Variants in IMPG1 observed in about 807,000 individuals in gnomAD.
The protein encoded by IMPG1 is interphotoreceptor matrix proteoglycan of 150 kDa.
A neutral mutation model predicts 92.0 loss-of-function variants in IMPG1; 85 were observed. That is an observed-to-expected ratio of 0.92 (90% confidence interval 0.78 to 1.11). The LOEUF is 1.11. Ranked by LOEUF, IMPG1 falls within the 50% of genes least tolerant of loss-of-function variation. IMPG1 has a pLI of 0.00. For synonymous variants in IMPG1, 367 were observed against 334.1 expected (o/e 1.10, Z -1.08); for missense variants, 1,022 against 956.0 (o/e 1.07, Z -0.91).
In IMPG1 at chr6:76,072,497, T is replaced by C; in HGVS notation, c.-9A>G. The C allele has an allele frequency of 6.4e-7, 1 of 1,561,000 alleles. No homozygotes were observed. Among genetic ancestry groups the C allele is most frequent in the Non-Finnish European group, 8.8e-7 (1 of 1,140,398 alleles). Reference sequence around the variant, plus strand: ...CTAGTTTCCAAATACATTCTGGCTTTTGTGCATTGGTAATTCTGATAACAA... The same window carrying C: ...CTAGTTTCCAAATACATTCTGGCTTCTGTGCATTGGTAATTCTGATAACAA... On this transcript the variant is annotated 5_prime_UTR_variant, in exon 1 of 17. Coordinates refer to ENST00000369950, the MANE Select transcript of IMPG1 (RefSeq NM_001563.4).
chr6:76,007,744 C>T (rs1046103901), intron 8 of IMPG1, among the ~76,000 whole-genome samples: 4 of 152,082 alleles, frequency 2.6e-5, no homozygotes, highest in African/African-American at 9.7e-5. Context: ...GGATTTGAGC[C>T]TTAGTTCAAA....
intron 7 of IMPG1, among the ~76,000 whole-genome samples, chr6:76,018,194 C>A (rs183470212): frequency 1.3e-5 from 2 of 152,108 alleles, no homozygotes; most frequent in South Asian, 2.1e-4. Flanking sequence ...TACACACATA[C>A]CTATGATAAA....
At chr6:75,960,314 C>T (rs142723847) in intron 12 of IMPG1, among the ~76,000 whole-genome samples, 2,146 of 152,240 alleles carry the variant, frequency 0.014, 36 homozygotes, top group South Asian at 0.018. Flanking sequence ...TGTTCCTATT[C>T]GGCCATCTTG....
At chr6:75,929,921 A>G (rs894469360) in intron 15 of IMPG1, among the ~76,000 whole-genome samples, 2 of 151,994 alleles carry the variant, frequency 1.3e-5, no homozygotes, top group Admixed American at 6.6e-5. Context: ...TCTCCACTCA[A>G]TTGTCTTGGC....
Position 75,994,734 on chromosome 6 carries a change from A to T in IMPG1, c.1291+8184T>A, listed in dbSNP as rs1483626043. Among the ~76,000 whole-genome samples the T allele has an allele frequency of 2.6e-5, 4 of 152,182 alleles. No homozygotes were observed. The East Asian group carries it at 7.7e-4, about 29-fold the overall frequency. ...TCTGGGTGGGTCCCTCCCATGACAC[A>T]TGGGAATTGTGGGAGCCACAATTCA... On this transcript the variant is annotated intron_variant, in intron 12 of 16. Transcript: ENST00000369950.
At chr6:76,025,370 C>T (rs1308646786) in intron 4 of IMPG1, 112 bp from the exon 5 acceptor site, 2 of 515,854 alleles carry the variant, frequency 3.9e-6, no homozygotes, top group Admixed American at 6.8e-5. Flanking sequence ...ATAGGAAAAG[C>T]ATACTTTAAA....
intron 16 of IMPG1, among the ~76,000 whole-genome samples, chr6:75,922,591 A>T (rs2149446640): frequency 6.6e-6 from 1 of 152,314 alleles, no homozygotes; most frequent in South Asian, 2.1e-4. Context: ...GTAGTTCTTC[A>T]AGTTTACTTC....
chr6:75,973,246 T>TCCGGATTACAGGCATGAGCCACTGTGC (rs148505548), intron 12 of IMPG1, among the ~76,000 whole-genome samples: 11,578 of 151,832 alleles, frequency 0.076, 522 homozygotes, highest in East Asian at 0.19. Context: ...TCCCAAAGTG[T>TCCGGATTACAGGCATGAGCCACTGTGC]CCGGATTACA....
At chr6:75,930,908 A>G in intron 15 of IMPG1, 45 bp downstream of exon 15, 1 of 1,508,456 alleles carries the variant, frequency 6.6e-7, no homozygotes, top group Non-Finnish European at 9.2e-7. Flanking sequence ...TCAGAAGTGT[A>G]AGTAATGAGT....
At chr6:75,930,860 T>G in intron 15 of IMPG1, 93 bp downstream of exon 15, 1 of 1,178,536 alleles carries the variant, frequency 8.5e-7, no homozygotes, top group South Asian at 1.4e-5. Flanking sequence ...AACCATGGGT[T>G]GAAAGGACCA....
chr6:75,986,423 G>A (rs992905893), intron 12 of IMPG1, among the ~76,000 whole-genome samples: 26 of 152,122 alleles, frequency 1.7e-4, no homozygotes, highest in African/African-American at 6.0e-4. Context: ...TAAAGATTGA[G>A]GGGAGAAAAA....
intron 13 of IMPG1, among the ~76,000 whole-genome samples, chr6:75,948,106 T>A (rs1781958551): frequency 6.6e-6 from 1 of 152,186 alleles, no homozygotes. Context: ...GTCCTAGAAC[T>A]GTCCCTAACT....
At chr6:76,060,268 C>T (rs74724136) in intron 1 of IMPG1, among the ~76,000 whole-genome samples, 1 of 152,318 alleles carries the variant, frequency 6.6e-6, no homozygotes, top group East Asian at 1.9e-4. Context: ...TGACTGAATA[C>T]AACCATATGC....
chr6:76,001,794 G>T (rs1344811028), intron 12 of IMPG1, among the ~76,000 whole-genome samples: 3 of 152,184 alleles, frequency 2.0e-5, no homozygotes, highest in African/African-American at 4.8e-5. Context: ...AATGATTATT[G>T]TTTTAGGCCA....
rs1311430541 is a variant in IMPG1, at chr6:75,921,769, T to A, written c.*320A>T. On this transcript the variant is annotated 3_prime_UTR_variant, in exon 17 of 17. Coordinates refer to ENST00000369950, the MANE Select transcript of IMPG1 (RefSeq NM_001563.4). Reference sequence around the variant, plus strand: ...ATAAGTAAGCTATGCTTGTTGCAAATGATCTGTGAGTAAAATTTTCAGGGA... The same window carrying A: ...ATAAGTAAGCTATGCTTGTTGCAAAAGATCTGTGAGTAAAATTTTCAGGGA... 1 of 231,200 alleles carries A rather than the reference T, an allele frequency of 4.3e-6. No individual in the cohort carries two copies. Among genetic ancestry groups the A allele is most frequent in the Non-Finnish European group, 8.4e-6 (1 of 118,930 alleles). 14.3% of individuals were successfully genotyped at this position (231,200 alleles called of 1,614,324 possible).
chr6:75,963,842 C>T (rs1782251743), intron 12 of IMPG1, among the ~76,000 whole-genome samples: 1 of 152,196 alleles, frequency 6.6e-6, no homozygotes, highest in Non-Finnish European at 1.5e-5. Context: ...CAACCTGACT[C>T]CCTGGAATAC....
intron 12 of IMPG1, among the ~76,000 whole-genome samples, chr6:75,967,888 G>C (rs1782335183): frequency 6.6e-6 from 1 of 152,202 alleles, no homozygotes; most frequent in Admixed American, 6.5e-5. Context: ...GCAATAAGTA[G>C]TTGAGCCCTC....
At chr6:76,043,814 T>C (rs1783887006) in intron 1 of IMPG1, among the ~76,000 whole-genome samples, 1 of 152,210 alleles carries the variant, frequency 6.6e-6, no homozygotes, top group African/African-American at 2.4e-5. Flanking sequence ...GGCTCTGACT[T>C]GTCTGGTTCT....
At chr6:75,938,304 G>A (rs1781781517) in intron 14 of IMPG1, among the ~76,000 whole-genome samples, 1 of 152,178 alleles carries the variant, frequency 6.6e-6, no homozygotes, top group African/African-American at 2.4e-5. Flanking sequence ...TCCCATGAGA[G>A]TTTTCAAATT....
Sources: gnomAD v4.1 joint callset for allele counts (sites outside exome capture counted in the v4.1 genomes callset) on GRCh38, gnomAD v4.1.1 for gene constraint, MANE v1.5 for transcripts, NCBI Gene and HGNC (gene_info 2026-07-23, HGNC 2026-07-21) for gene names.